The following SFMBT2 variants were observed in gnomAD, a reference collection of about 807,000 sequenced individuals.
The protein encoded by SFMBT2 is scm-like with four MBT domains protein 2.
A neutral mutation model predicts 110.1 loss-of-function variants in SFMBT2; 38 were observed. The observed-to-expected ratio is 0.35, with a 90% CI of 0.27 to 0.45. The LOEUF is 0.45. Ranked by LOEUF, SFMBT2 falls within the 20% of genes least tolerant of loss-of-function variation. The probability of loss-of-function intolerance (pLI) is 1.00; values close to 1 mark genes in which losing one functional copy is unlikely to be tolerated. For synonymous variants in SFMBT2, 425 were observed against 425.4 expected (o/e 1.00, Z 0.01); for missense variants, 1,011 against 1,094.9 (o/e 0.92, Z 1.08).
rs114783340 is a variant in SFMBT2, at chr10:7,167,444, A to G, written c.2544+3484T>C. Among the ~76,000 whole-genome samples the G allele has an allele frequency of 4.0e-3, 610 of 152,254 alleles. 3 individuals carry two copies. The highest frequency in any genetic ancestry group is 0.014 in the African/African-American group (589 of 41,544). ...CATGGGGAGTTCAGAATTTTTGCAA[A>G]TTATAATAATCTCTGCATTTATAAC... On this transcript the variant is annotated intron_variant, in intron 20 of 20. Transcript: ENST00000397167.
At chr10:7,389,808 T>A (rs906160000) in intron 1 of SFMBT2, among the ~76,000 whole-genome samples, 7 of 152,242 alleles carry the variant, frequency 4.6e-5, no homozygotes, top group African/African-American at 1.4e-4. Context: ...CAGGTGTTAT[T>A]ATGATTCATT....
chr10:7,275,798 C>G (rs966109416), intron 7 of SFMBT2, among the ~76,000 whole-genome samples: 1 of 152,234 alleles, frequency 6.6e-6, no homozygotes, highest in Admixed American at 6.5e-5. Context: ...GCTTAAAAGG[C>G]TGAGTGAGGA....
intron 4 of SFMBT2, among the ~76,000 whole-genome samples, chr10:7,290,154 A>C (rs1842220268): frequency 6.6e-6 from 1 of 152,174 alleles, no homozygotes; most frequent in Non-Finnish European, 1.5e-5. Flanking sequence ...ATGATCAGGG[A>C]GAAAAACACT....
intron 4 of SFMBT2, among the ~76,000 whole-genome samples, chr10:7,340,530 A>G (rs899384701): frequency 2.0e-5 from 3 of 151,868 alleles, no homozygotes; most frequent in Non-Finnish European, 4.4e-5. Context: ...TTGTCTCTCA[A>G]TGTTACAACC....
At chr10:7,400,109 G>A (rs1846032457) in intron 1 of SFMBT2, among the ~76,000 whole-genome samples, 1 of 152,192 alleles carries the variant, frequency 6.6e-6, no homozygotes, top group Non-Finnish European at 1.5e-5. Context: ...ACTGGGAAAT[G>A]GGCAGGAGAA....
At position 7,163,921 on chromosome 10, in the gene SFMBT2, A is replaced by G; in HGVS notation, c.2545-11T>C. 6.2e-7 allele frequency: 1 copy of G among 1,611,200 alleles called. No homozygotes were observed. The highest frequency in any genetic ancestry group is 1.1e-5 in the South Asian group (1 of 90,766). ...TTGGCCGTCAATATCCTGCAGGAAA[A>G]GAAAGGCAGGTTAGAGAAGGGGCAG... On this transcript the variant is annotated splice_polypyrimidine_tract_variant and intron_variant, in intron 20 of 20. Transcript: ENST00000397167. This position sits in a 1 kb window ranked among gnomAD's most constrained non-coding sequence, Gnocchi z 4.8.
chr10:7,397,352 C>G (rs868430306), intron 1 of SFMBT2, among the ~76,000 whole-genome samples: 1 of 151,460 alleles, frequency 6.6e-6, no homozygotes, highest in East Asian at 1.9e-4. Context: ...AAAGGGCTTG[C>G]GGTTGTTTGT....
chr10:7,376,309 C>G (rs938108262), intron 2 of SFMBT2, among the ~76,000 whole-genome samples: 1 of 152,130 alleles, frequency 6.6e-6, no homozygotes, highest in African/African-American at 2.4e-5. Flanking sequence ...TGGGCTTATT[C>G]TAATCACATA....
At chr10:7,308,359 CA>C (rs1214325273) in intron 4 of SFMBT2, among the ~76,000 whole-genome samples, 2 of 151,290 alleles carry the variant, frequency 1.3e-5, no homozygotes, top group African/African-American at 4.9e-5. Flanking sequence ...GACCCCATCT[CA>C]AAAAACAAAC....
chr10:7,201,904 C>G (rs1310204819), intron 13 of SFMBT2, among the ~76,000 whole-genome samples: 1 of 152,198 alleles, frequency 6.6e-6, no homozygotes, highest in Non-Finnish European at 1.5e-5. Context: ...ATTTGTTCAG[C>G]CTACAACTTA....
intron 13 of SFMBT2, among the ~76,000 whole-genome samples, chr10:7,201,617 A>C (rs1838962049): frequency 6.6e-6 from 1 of 152,214 alleles, no homozygotes; most frequent in Admixed American, 6.5e-5. Flanking sequence ...CGACTACCGC[A>C]AGTGAAAAAT....
intron 16 of SFMBT2, among the ~76,000 whole-genome samples, chr10:7,178,316 TGAAGGGTA>T (rs1190462947): frequency 6.6e-6 from 1 of 152,166 alleles, no homozygotes; most frequent in East Asian, 1.9e-4. Flanking sequence ...CCAATCTAGA[TGAAGGGTA>T]TGGAAGTTTT....
chr10:7,186,459 C>CACACACACACATATAT (rs748644225), intron 16 of SFMBT2, among the ~76,000 whole-genome samples: 33 of 126,890 alleles, frequency 2.6e-4, no homozygotes, highest in African/African-American at 4.5e-4. Context: ...CACACACACA[C>CACACACACACATATAT]ATATATATAT....
At chr10:7,295,072 G>A (rs1432188154) in intron 4 of SFMBT2, 1 of 152,012 alleles carries the variant, frequency 6.6e-6, no homozygotes, top group Non-Finnish European at 1.5e-5. Context: ...CAAACTTCTA[G>A]GTAATTCAAC....
chr10:7,326,034 A>C (rs75409207), intron 4 of SFMBT2, among the ~76,000 whole-genome samples: 1 of 152,350 alleles, frequency 6.6e-6, no homozygotes, highest in East Asian at 1.9e-4. Flanking sequence ...CCAGTATGCA[A>C]CCAGAAAAAA....
At chr10:7,302,788 C>T (rs1156679547) in intron 4 of SFMBT2, among the ~76,000 whole-genome samples, 1 of 152,130 alleles carries the variant, frequency 6.6e-6, no homozygotes, top group Non-Finnish European at 1.5e-5. Flanking sequence ...AAAATACAAG[C>T]TGCATTTGGT....
At chr10:7,335,281 A>G (rs745739358) in intron 4 of SFMBT2, among the ~76,000 whole-genome samples, 1 of 152,216 alleles carries the variant, frequency 6.6e-6, no homozygotes, top group Admixed American at 6.5e-5. Context: ...ACTGGTCCAC[A>G]TTGCAAATTG....
At chr10:7,184,063 A>G (rs1838324304) in intron 16 of SFMBT2, among the ~76,000 whole-genome samples, 1 of 152,088 alleles carries the variant, frequency 6.6e-6, no homozygotes, top group East Asian at 1.9e-4. Flanking sequence ...GTGGCCTTCC[A>G]CTTCCTTCCC....
At chr10:7,325,023 A>C (rs1228667644) in intron 4 of SFMBT2, among the ~76,000 whole-genome samples, 1 of 133,722 alleles carries the variant, frequency 7.5e-6, no homozygotes, top group Non-Finnish European at 1.5e-5. Context: ...GCTGGAGTGC[A>C]ATGGCACGAT....
Sources: gnomAD v4.1 joint callset for allele counts (sites outside exome capture counted in the v4.1 genomes callset) on GRCh38, gnomAD v4.1.1 for gene constraint, Gnocchi (gnomAD v3.1) non-coding constraint, MANE v1.5 for transcripts, NCBI Gene and HGNC (gene_info 2026-07-23, HGNC 2026-07-21) for gene names.